Variants in EEPD1 observed in about 807,000 individuals in gnomAD.
EEPD1 encodes the protein endonuclease/exonuclease/phosphatase family domain containing 1, also known as endonuclease/exonuclease/phosphatase family domain-containing protein 1.
EEPD1 carries 17 observed loss-of-function variants against 46.3 expected under a neutral mutation model. The ratio of observed to expected loss-of-function variants is 0.37; its 90% confidence interval spans 0.25 to 0.55. EEPD1 has a LOEUF of 0.55. Among genes scored for constraint, EEPD1 ranks in the 20% least tolerant of loss-of-function variants. EEPD1 has a pLI of 0.83. For missense variants in EEPD1, 673 were observed against 745.6 expected, an observed-to-expected ratio of 0.90 and a Z score of 1.13; for synonymous variants, 313 against 315.6, an observed-to-expected ratio of 0.99 and a Z score of 0.09.
chr7:36,174,550 G>T (rs987053638), intron 2 of EEPD1, among the ~76,000 whole-genome samples: 1 of 152,202 alleles, frequency 6.6e-6, no homozygotes, highest in Non-Finnish European at 1.5e-5. Context: ...CCTGGTCTCC[G>T]CCAGGCAGCT....
intron 3 of EEPD1, among the ~76,000 whole-genome samples, chr7:36,257,214 T>G (rs2115822427): frequency 6.6e-6 from 1 of 152,270 alleles, no homozygotes. Flanking sequence ...GGGCCTCCCT[T>G]TGTGGGTAAC....
chr7:36,254,361 G>A (rs1035015721), intron 3 of EEPD1, among the ~76,000 whole-genome samples: 11 of 152,062 alleles, frequency 7.2e-5, no homozygotes, highest in South Asian at 2.1e-4. Flanking sequence ...TCCCACTTAC[G>A]AGTGAAAACA....
intron 2 of EEPD1, among the ~76,000 whole-genome samples, chr7:36,201,337 A>G (rs1294247249): frequency 6.6e-6 from 1 of 152,172 alleles, no homozygotes; most frequent in Non-Finnish European, 1.5e-5. Context: ...TAGGTTCCTG[A>G]TTTTGATAAT....
intron 3 of EEPD1, among the ~76,000 whole-genome samples, chr7:36,247,427 G>A (rs1192922017): frequency 2.0e-5 from 3 of 152,158 alleles, no homozygotes; most frequent in African/African-American, 4.8e-5. Flanking sequence ...AATTAACTTA[G>A]TTTCTGCAAC....
intron 2 of EEPD1, among the ~76,000 whole-genome samples, chr7:36,177,466 T>C (rs559273935): frequency 1.3e-5 from 2 of 152,326 alleles, no homozygotes; most frequent in East Asian, 3.9e-4. Flanking sequence ...CTCATCTTTA[T>C]GTCCATGTGT....
At chr7:36,252,989 T>A (rs1786775353) in intron 3 of EEPD1, among the ~76,000 whole-genome samples, 1 of 151,872 alleles carries the variant, frequency 6.6e-6, no homozygotes, top group Non-Finnish European at 1.5e-5. Flanking sequence ...TTTATGTTTC[T>A]CTCCTTCTCC....
intron 3 of EEPD1, among the ~76,000 whole-genome samples, chr7:36,270,223 GGTAT>G (rs1787082345): frequency 6.6e-6 from 1 of 151,982 alleles, no homozygotes. Flanking sequence ...TTTGCACAGT[GGTAT>G]TATACTTAAT....
intron 3 of EEPD1, among the ~76,000 whole-genome samples, chr7:36,264,858 A>G (rs1476964548): frequency 6.6e-6 from 1 of 152,054 alleles, no homozygotes; most frequent in East Asian, 1.9e-4. Flanking sequence ...GACATTCTCC[A>G]AAGTGAGAAT....
Position 36,154,427 on chromosome 7 carries a change from G to C in EEPD1, c.103G>C (p.Val35Leu). The C allele has an allele frequency of 6.2e-7, 1 of 1,614,212 alleles. No homozygotes were observed. Among genetic ancestry groups the C allele is most frequent in the Non-Finnish European group, 8.5e-7 (1 of 1,180,050 alleles). Residue 35 changes from valine (V) to leucine (L), a missense_variant, in exon 2 of 8, where the codon GTG (valine) becomes CTG (leucine). Physicochemically the swap from Val to Leu is conservative, Grantham distance 32 (BLOSUM62 1). Transcript: ENST00000242108. This position sits in a 1 kb window ranked among gnomAD's most constrained non-coding sequence, Gnocchi z 4.2. ...SAACNFSNIL[V>L]NQERLNINTA... ...AGCCTGTAACTTCAGCAACATTCTA[G>C]TGAATCAGGAGCGGCTCAACATCAA...
intron 3 of EEPD1, among the ~76,000 whole-genome samples, chr7:36,240,451 G>C (rs976211816): frequency 6.6e-6 from 1 of 152,208 alleles, no homozygotes; most frequent in Non-Finnish European, 1.5e-5. Flanking sequence ...GCTGCTGCCT[G>C]ACCTCAGAGA....
intron 2 of EEPD1, among the ~76,000 whole-genome samples, chr7:36,223,189 T>G (rs1350171955): frequency 6.8e-6 from 1 of 148,104 alleles, no homozygotes; most frequent in Non-Finnish European, 1.5e-5. Context: ...AAAGTAATAA[T>G]AAGAAATAAA....
At chr7:36,169,206 A>G (rs1351047875) in intron 2 of EEPD1, among the ~76,000 whole-genome samples, 2 of 152,310 alleles carry the variant, frequency 1.3e-5, no homozygotes, top group East Asian at 1.9e-4. Context: ...TTATGTAGAC[A>G]TATATTTTCA....
At chr7:36,195,746 A>T (rs185308769) in intron 2 of EEPD1, among the ~76,000 whole-genome samples, 10 of 152,348 alleles carry the variant, frequency 6.6e-5, no homozygotes, top group Admixed American at 4.6e-4. Flanking sequence ...AGAGTAGATT[A>T]TAAGTGTTCT....
At chr7:36,195,007 C>T (rs1785552339) in intron 2 of EEPD1, among the ~76,000 whole-genome samples, 1 of 152,226 alleles carries the variant, frequency 6.6e-6, no homozygotes, top group African/African-American at 2.4e-5. Context: ...CAATTTCCAG[C>T]CCATCCCTCT....
intron 3 of EEPD1, among the ~76,000 whole-genome samples, chr7:36,270,465 A>G (rs751733682): frequency 6.6e-6 from 1 of 151,730 alleles, no homozygotes; most frequent in Non-Finnish European, 1.5e-5. Context: ...CTAGCCCCCA[A>G]CCCCCAACAG....
Position 36,264,891 on chromosome 7 carries a change from A to G in EEPD1, c.931-16224A>G, listed in dbSNP as rs62447770. Among the ~76,000 whole-genome samples, 258 of 146,076 alleles carry G rather than the reference A, an allele frequency of 1.8e-3. 2 individuals are homozygous for G. Among genetic ancestry groups the G allele is most frequent in the South Asian group, 3.2e-3 (14 of 4,430 alleles). On this transcript the variant is annotated intron_variant, in intron 3 of 7. Coordinates refer to ENST00000242108, the MANE Select transcript of EEPD1 (RefSeq NM_030636.3). ...AATGCTATTTCATGAGCTGCCACCTATAGTTCTTGCTGCCCACACTGAAAA... is the reference window on the plus strand; with the variant it reads ...AATGCTATTTCATGAGCTGCCACCTGTAGTTCTTGCTGCCCACACTGAAAA...
intron 3 of EEPD1, among the ~76,000 whole-genome samples, chr7:36,257,022 T>TA (rs1221386636): frequency 1.3e-5 from 2 of 152,338 alleles, no homozygotes; most frequent in East Asian, 1.9e-4. Context: ...CTGGTGGTGA[T>TA]AAAATCTCTC....
intron 3 of EEPD1, among the ~76,000 whole-genome samples, chr7:36,240,964 GA>G (rs1346604952): frequency 6.6e-6 from 1 of 152,116 alleles, no homozygotes; most frequent in Non-Finnish European, 1.5e-5. Flanking sequence ...ATGATTCAAG[GA>G]AAAGAAATAG....
At chr7:36,281,083 C>T (rs1787252710) in intron 3 of EEPD1, 32 bp from the exon 4 acceptor site, 16 of 1,603,488 alleles carry the variant, frequency 1.0e-5, no homozygotes, top group Non-Finnish European at 1.4e-5. Flanking sequence ...AGGCGCGAAC[C>T]CACGCTTCTG....
Sources: allele counts gnomAD v4.1 joint callset (sites outside exome capture counted in the v4.1 genomes callset), GRCh38; gene constraint gnomAD v4.1.1; non-coding constraint Gnocchi (gnomAD v3.1); transcripts MANE v1.5; gene names NCBI Gene and HGNC (gene_info 2026-07-23, HGNC 2026-07-21).